JAZF1: variants seen among roughly 807,000 people sequenced by gnomAD.
JAZF1 encodes the protein juxtaposed with another zinc finger protein 1.
In JAZF1, 8 loss-of-function variants were observed where a neutral mutation model predicts 26.4. The ratio of observed to expected loss-of-function variants is 0.30; its 90% CI spans 0.18 to 0.55. The LOEUF (loss-of-function observed/expected upper bound fraction) is 0.55, where lower values mean the gene tolerates loss of function less well. Among genes scored for constraint, JAZF1 ranks in the 20% least tolerant of loss-of-function variants. The probability of loss-of-function intolerance (pLI) is 0.94; values close to 1 mark genes in which losing one functional copy is unlikely to be tolerated. For missense variants in JAZF1, 199 were observed against 322.0 expected (o/e 0.62, Z 2.92); for synonymous variants, 126 against 122.3 (o/e 1.03, Z -0.20).
At chr7:27,890,512 A>G (rs1783953399) in intron 3 of JAZF1, among the ~76,000 whole-genome samples, 1 of 152,230 alleles carries the variant, frequency 6.6e-6, no homozygotes, top group Non-Finnish European at 1.5e-5. Context: ...AAAGTTTAAA[A>G]AAAGTATTAA....
chr7:28,118,461 G>A (rs985651217), intron 1 of JAZF1, among the ~76,000 whole-genome samples: 7 of 152,026 alleles, frequency 4.6e-5, no homozygotes, highest in Non-Finnish European at 1.0e-4. Flanking sequence ...GTTGCAGTGG[G>A]CCAAGATTGC....
chr7:27,962,228 G>T (rs1785197382), intron 2 of JAZF1, among the ~76,000 whole-genome samples: 1 of 152,114 alleles, frequency 6.6e-6, no homozygotes, highest in Non-Finnish European at 1.5e-5. Context: ...ATACACATAG[G>T]TAAGAAGTAT....
intron 1 of JAZF1, among the ~76,000 whole-genome samples, chr7:28,022,183 G>A (rs538726510): frequency 9.7e-4 from 147 of 152,276 alleles, no homozygotes; most frequent in African/African-American, 2.6e-3. Flanking sequence ...GAACAATATC[G>A]TCACAACAAT....
At chr7:28,094,155 C>G (rs1329996164) in intron 1 of JAZF1, among the ~76,000 whole-genome samples, 1 of 152,170 alleles carries the variant, frequency 6.6e-6, no homozygotes, top group Non-Finnish European at 1.5e-5. Context: ...CAATGTAACC[C>G]TCTGAAGTAG....
rs570007207 is a variant in JAZF1, at chr7:28,126,222, C to T, written c.115+54241G>A. 3.9e-5 allele frequency among the ~76,000 whole-genome samples: 6 copies of T among 152,334 alleles called. No homozygotes were observed. In the East Asian group the frequency reaches 1.2e-3, roughly 29 times the overall value. ...AATGTGCTTGCCTCACTTTCACTCT[C>T]ATGCAACAAATATTTATTGCACAGT... is the stretch of plus-strand genomic sequence containing the variant. On this transcript the variant is annotated intron_variant, in intron 1 of 4. Coordinates refer to ENST00000283928, the MANE Select transcript of JAZF1 (RefSeq NM_175061.4).
chr7:28,088,802 T>G (rs917341090), intron 1 of JAZF1, among the ~76,000 whole-genome samples: 5 of 152,242 alleles, frequency 3.3e-5, no homozygotes, highest in African/African-American at 1.2e-4. Flanking sequence ...TTTTATTGTT[T>G]TAAGCAGGGA....
At chr7:27,879,120 T>C (rs1299015337) in intron 3 of JAZF1, among the ~76,000 whole-genome samples, 2 of 152,234 alleles carry the variant, frequency 1.3e-5, no homozygotes, top group South Asian at 2.1e-4. Context: ...CCAAAACATA[T>C]GCAGTAAGAC....
chr7:27,958,053 C>T (rs1011933588), intron 2 of JAZF1, among the ~76,000 whole-genome samples: 5 of 152,226 alleles, frequency 3.3e-5, no homozygotes, highest in Non-Finnish European at 7.4e-5. Flanking sequence ...ATTTATCACA[C>T]AGAGAGGAGG....
At chr7:28,134,280 G>A (rs1452846475) in intron 1 of JAZF1, among the ~76,000 whole-genome samples, 3 of 151,998 alleles carry the variant, frequency 2.0e-5, no homozygotes, top group African/African-American at 7.2e-5. Context: ...CCCAAGTTGG[G>A]TCTCCACATA....
chr7:27,928,236 C>G (rs1274106250), intron 2 of JAZF1, among the ~76,000 whole-genome samples: 1 of 152,190 alleles, frequency 6.6e-6, no homozygotes, highest in African/African-American at 2.4e-5. Flanking sequence ...ACATTTGAAA[C>G]TGTTGAACAA....
At chr7:27,972,411 A>G (rs1785389564) in intron 2 of JAZF1, among the ~76,000 whole-genome samples, 1 of 152,188 alleles carries the variant, frequency 6.6e-6, no homozygotes, top group East Asian at 1.9e-4. Context: ...CAGGAACCCC[A>G]ACTCTTTTAG....
At chr7:28,167,673 G>C (rs1469579350) in intron 1 of JAZF1, among the ~76,000 whole-genome samples, 1 of 152,180 alleles carries the variant, frequency 6.6e-6, no homozygotes, top group Non-Finnish European at 1.5e-5. Flanking sequence ...AAACACTCTG[G>C]AGAGAGTGTT....
chr7:28,140,046 A>G (rs1782940084), intron 1 of JAZF1, among the ~76,000 whole-genome samples: 1 of 151,982 alleles, frequency 6.6e-6, no homozygotes, highest in African/African-American at 2.4e-5. Context: ...AAGTTCTTCA[A>G]GGTCTCCAGC....
intron 2 of JAZF1, among the ~76,000 whole-genome samples, chr7:27,920,775 T>A (rs1048540776): frequency 1.3e-5 from 2 of 152,294 alleles, no homozygotes; most frequent in East Asian, 3.9e-4. Flanking sequence ...TAAATTACCA[T>A]AATATAATGA....
intron 1 of JAZF1, among the ~76,000 whole-genome samples, chr7:28,017,842 C>T (rs1282106325): frequency 2.0e-5 from 3 of 152,192 alleles, no homozygotes; most frequent in African/African-American, 7.2e-5. Flanking sequence ...GGCACGATCT[C>T]GGTTCACTGC....
chr7:28,166,291 C>A (rs991622671), intron 1 of JAZF1, among the ~76,000 whole-genome samples: 3 of 152,180 alleles, frequency 2.0e-5, no homozygotes, highest in Non-Finnish European at 2.9e-5. Context: ...ATATTCTCTG[C>A]AATAAGTAAA....
At chr7:28,039,002 G>A (rs1455538675) in intron 1 of JAZF1, among the ~76,000 whole-genome samples, 2 of 152,142 alleles carry the variant, frequency 1.3e-5, no homozygotes, top group Admixed American at 1.3e-4. Context: ...TTAATGCTTA[G>A]CACATTGATT....
chr7:28,159,535 G>C (rs919144453), intron 1 of JAZF1, among the ~76,000 whole-genome samples: 1 of 151,950 alleles, frequency 6.6e-6, no homozygotes, highest in Non-Finnish European at 1.5e-5. Flanking sequence ...CCCTGGGAAG[G>C]TGTCTGGGTT....
At chr7:28,179,441 G>A (rs1027181940) in intron 1 of JAZF1, among the ~76,000 whole-genome samples, 16 of 152,130 alleles carry the variant, frequency 1.1e-4, no homozygotes, top group Admixed American at 5.9e-4. Flanking sequence ...CGTCTCCCGG[G>A]CCCGGGGCGC....
Sources: allele counts gnomAD v4.1 joint callset (sites outside exome capture counted in the v4.1 genomes callset), GRCh38; gene constraint gnomAD v4.1.1; transcripts MANE v1.5; gene names NCBI Gene and HGNC (gene_info 2026-07-23, HGNC 2026-07-21).